ASL: variants seen among roughly 807,000 people sequenced by gnomAD.
ASL encodes argininosuccinase.
ASL carries 51 observed loss-of-function variants against 69.1 expected under a neutral mutation model. The observed-to-expected ratio is 0.74, with a 90% CI of 0.59 to 0.93. The LOEUF is 0.93. Ranked by LOEUF, ASL falls within the 40% of genes least tolerant of loss-of-function variation. The pLI is 0.00. For synonymous variants in ASL, 241 were observed against 247.6 expected (o/e 0.97, Z 0.25); for missense variants, 540 against 623.9 (o/e 0.87, Z 1.43).
At chr7:66,078,313 C>T (rs1786405645) in intron 2 of ASL, among the ~76,000 whole-genome samples, 2 of 151,970 alleles carry the variant, frequency 1.3e-5, no homozygotes, top group African/African-American at 4.8e-5. Flanking sequence ...AGGGGCAGGA[C>T]CAGCTCAAAG....
chr7:66,079,930 A>T (rs1053408816), intron 2 of ASL, among the ~76,000 whole-genome samples: 8 of 152,166 alleles, frequency 5.3e-5, no homozygotes, highest in South Asian at 4.1e-4. Flanking sequence ...ATAAAATTTT[A>T]AAAAAATGTC....
chr7:66,088,743 C>T, intron 10 of ASL, 64 bp from the exon 11 acceptor site: 1 of 1,413,358 alleles, frequency 7.1e-7, no homozygotes, highest in Non-Finnish European at 9.9e-7. Context: ...CTCCTCCTGC[C>T]CCCTGTATGG....
intron 6 of ASL, 142 bp from the exon 7 acceptor site, chr7:66,086,443 G>A (rs1562740202): frequency 1.3e-5 from 12 of 890,510 alleles, no homozygotes; most frequent in Admixed American, 2.0e-5. Flanking sequence ...TTTGTCCCTG[G>A]GAGATCACCA....
intron 12 of ASL, 40 bp downstream of exon 12, chr7:66,089,215 T>C: frequency 6.2e-7 from 1 of 1,611,906 alleles, no homozygotes; most frequent in East Asian, 2.2e-5. Context: ...TCTGGGCTGA[T>C]GGTGGGTGGC....
At chr7:66,082,320 T>C (rs1786528706) in intron 3 of ASL, 48 bp from the exon 4 acceptor site, 2 of 1,555,504 alleles carry the variant, frequency 1.3e-6, no homozygotes, top group East Asian at 2.3e-5. Context: ...CTCTCTTGGC[T>C]GCTGATGCCT....
intron 1 of ASL, 81 bp from the exon 2 acceptor site, chr7:66,075,958 G>T (rs1426015675): frequency 2.3e-6 from 3 of 1,320,720 alleles, no homozygotes; most frequent in South Asian, 1.3e-5. Flanking sequence ...TCCCTCAAGC[G>T]CAGTGCCCAG....
chr7:66,087,921 C>A, intron 10 of ASL, 130 bp downstream of exon 10: 1 of 1,220,380 alleles, frequency 8.2e-7, no homozygotes, highest in African/African-American at 1.5e-5. Flanking sequence ...AAGTATAAAC[C>A]TTAAATGGGT....
In ASL at chr7:66,087,779, C is replaced by T. The variant is rs761268464; in HGVS notation, c.706C>T (p.Arg236Trp). The change falls in exon 10 of 17, where the codon CGG becomes TGG. Residue 236 changes from arginine to tryptophan, a missense_variant. Transcript: ENST00000304874. ...CAACAGCATGGATGCCACTAGTGAG[C>T]GGGACTTTGTGGGTGAGTCCTGGGG... ...TLNSMDATSE[R>W]DFVAEFLFWA... is the part of the protein sequence containing the mutation. 3 of 1,614,114 alleles carry T rather than the reference C, an allele frequency of 1.9e-6. No homozygotes were observed. Among genetic ancestry groups the T allele is most frequent in the Admixed American group, 1.7e-5 (1 of 60,002 alleles).
At chr7:66,092,148 G>A (rs558533355) in intron 15 of ASL, 62 bp downstream of exon 15, 2 of 1,582,264 alleles carry the variant, frequency 1.3e-6, no homozygotes, top group Non-Finnish European at 1.7e-6. Flanking sequence ...GAGGGTGGGG[G>A]AGCTCAGGAA....
At chr7:66,082,732 C>A in intron 4 of ASL, 148 bp from the exon 5 acceptor site, 3 of 972,992 alleles carry the variant, frequency 3.1e-6, no homozygotes, top group Non-Finnish European at 4.7e-6. Flanking sequence ...AAAGAACAGG[C>A]CTCAGCAGAA....
At chr7:66,091,597 G>T in intron 14 of ASL, 1 of 258,332 alleles carries the variant, frequency 3.9e-6, no homozygotes, top group Admixed American at 4.7e-5. Context: ...ACGGTGGTGT[G>T]CATGGCTGTA....
chr7:66,083,353 A>T (rs1279817841), intron 6 of ASL, 179 bp downstream of exon 6: 1 of 620,960 alleles, frequency 1.6e-6, no homozygotes, highest in Non-Finnish European at 2.8e-6. Flanking sequence ...AGGCCCCAAT[A>T]CTCCCATGCC....
At position 66,083,187 on chromosome 7, in the gene ASL, G is replaced by A. The variant is rs778966262; in HGVS notation, c.446+13G>A. 14 of 1,611,322 alleles carry A rather than the reference G, an allele frequency of 8.7e-6. No individual in the cohort carries two copies. The highest frequency in any genetic ancestry group is 1.2e-5 in the Non-Finnish European group (14 of 1,179,538). On this transcript the variant is annotated intron_variant, in intron 6 of 16. Transcript: ENST00000304874. Reference sequence around the variant, plus strand: ...ATCGGGCAGAGGCGTGAGTCCTACAGGGACACCCAGGGGGCAGACAGAGGT... The same window carrying A: ...ATCGGGCAGAGGCGTGAGTCCTACAAGGACACCCAGGGGGCAGACAGAGGT...
rs727503812 is a variant in ASL at position 66,092,617 on chromosome 7, G to A, written c.1204G>A (p.Gly402Arg). The A allele has an allele frequency of 1.2e-6, 2 of 1,613,272 alleles. No homozygotes were observed. Among genetic ancestry groups the A allele is most frequent in the Non-Finnish European group, 1.7e-6 (2 of 1,179,998 alleles). ...AGCTGTGTTCATGGCCGAGACCAAG[G>A]GGGTCGCCCTCAACCAGCTGTCACT... ...GKAVFMAETK[G>R]VALNQLSLQE... Residue 402 changes from glycine to arginine, a missense_variant, in exon 16 of 17, where the codon GGG becomes AGG. Gly to Arg is a moderately radical substitution (Grantham distance 125). Transcript: ENST00000304874.
At chr7:66,089,412 G>T in intron 13 of ASL, 77 bp downstream of exon 13, 2 of 1,537,420 alleles carry the variant, frequency 1.3e-6, no homozygotes, top group South Asian at 1.2e-5. Flanking sequence ...GCCCCACCCC[G>T]GGATTGCCAT....
intron 6 of ASL, 85 bp downstream of exon 6, chr7:66,083,259 G>A (rs933599233): frequency 8.2e-6 from 12 of 1,454,750 alleles, no homozygotes; most frequent in South Asian, 3.5e-5. Context: ...GGTGAACAGC[G>A]TGGGGGTGCC....
chr7:66,087,216 C>A, intron 8 of ASL, 118 bp from the exon 9 acceptor site: 1 of 1,297,068 alleles, frequency 7.7e-7, no homozygotes, highest in Non-Finnish European at 1.1e-6. Flanking sequence ...CCCTGGCAAC[C>A]AGGACTTGGT....
Position 66,086,833 on chromosome 7 carries a change from T to A in ASL, c.602+12T>A. 6 of 1,565,780 alleles carry A rather than the reference T, an allele frequency of 3.8e-6. No individual in the cohort carries two copies. The highest frequency in any genetic ancestry group is 5.2e-6 in the Non-Finnish European group (6 of 1,155,812). On this transcript the variant is annotated intron_variant, in intron 8 of 16. Transcript: ENST00000304874. ...CTGCCCCTGGGGAGGTGGGTGAGGC[T>A]CCAGTGCCCCGAGGGCCTGGTGGGG...
rs201002874 is a variant in ASL, at chr7:66,089,198, C to T, written c.918+23C>T. 30 of 1,318,254 alleles carry T rather than the reference C, an allele frequency of 2.3e-5. 1 individual carries two copies. The South Asian group carries it at 2.4e-4, about 10-fold the overall frequency. The allele number at this position is 1,318,254 out of a possible 1,614,324, so 81.7% of individuals were successfully genotyped here. Reference sequence around the variant, plus strand: ...CGGGTGAGCAAGGCAGGGGGAGGGGCGGGGCCTCTGGGCTGATGGTGGGTG... The same window carrying T: ...CGGGTGAGCAAGGCAGGGGGAGGGGTGGGGCCTCTGGGCTGATGGTGGGTG... On this transcript the variant is annotated intron_variant, in intron 12 of 16. Coordinates refer to ENST00000304874, the MANE Select transcript of ASL (RefSeq NM_000048.4).
Sources: allele counts gnomAD v4.1 joint callset (sites outside exome capture counted in the v4.1 genomes callset), GRCh38; gene constraint gnomAD v4.1.1; transcripts MANE v1.5; gene names NCBI Gene and HGNC (gene_info 2026-07-23, HGNC 2026-07-21).